The following VTCN1 variants were observed in gnomAD, a reference collection of about 807,000 sequenced individuals.
VTCN1 encodes the protein V-set domain-containing T-cell activation inhibitor 1.
Under a neutral mutation model 26.5 loss-of-function variants are expected in VTCN1, and 26 were observed. The ratio of observed to expected loss-of-function variants is 0.98; its 90% CI spans 0.72 to 1.36. The LOEUF is 1.36. VTCN1 is among the 40% of genes most tolerant of loss of function. The pLI is 0.00. For missense variants in VTCN1, 298 were observed against 337.7 expected (o/e 0.88, Z 0.92); for synonymous variants, 116 against 130.7 (o/e 0.89, Z 0.77).
At chr1:117,195,951 G>C (rs1358296216) in intron 1 of VTCN1, among the ~76,000 whole-genome samples, 1 of 152,126 alleles carries the variant, frequency 6.6e-6, no homozygotes, top group Non-Finnish European at 1.5e-5. Flanking sequence ...AGGGGTTTGA[G>C]ACCAATTTGG....
At chr1:117,184,939 G>GT (rs893265201) in intron 1 of VTCN1, among the ~76,000 whole-genome samples, 3 of 152,170 alleles carry the variant, frequency 2.0e-5, no homozygotes, top group African/African-American at 7.2e-5. Context: ...TGCCCAGCCA[G>GT]TTTTCCCTTA....
intron 1 of VTCN1, among the ~76,000 whole-genome samples, chr1:117,196,742 G>T (rs1021193695): frequency 3.4e-4 from 51 of 152,114 alleles, no homozygotes; most frequent in African/African-American, 1.2e-3. Context: ...GAAAGAGCTA[G>T]TACCCAAGTG....
chr1:117,158,563 C>T (rs1482640530), intron 2 of VTCN1, among the ~76,000 whole-genome samples: 1 of 152,164 alleles, frequency 6.6e-6, no homozygotes, highest in Non-Finnish European at 1.5e-5. Flanking sequence ...TCTCCTAGGA[C>T]CCCAGGCCTG....
rs966552066 is a variant in VTCN1 at position 117,146,855 on chromosome 1, G to C, written c.*45+758C>G. ...TTCCTATCAGCTAAAACAGGGAAAGGAAGGAGCAGGTACAGTGTTTCAAAA... is the reference window on the plus strand; with the variant it reads ...TTCCTATCAGCTAAAACAGGGAAAGCAAGGAGCAGGTACAGTGTTTCAAAA... On this transcript the variant is annotated intron_variant, in intron 5 of 5. Transcript: ENST00000369458. The surrounding 1 kb of genome is among the most constrained non-coding windows in gnomAD (Gnocchi z 4.2). Among the ~76,000 whole-genome samples, 2 of 152,186 alleles carry C rather than the reference G, an allele frequency of 1.3e-5. No homozygotes were observed. Among genetic ancestry groups the C allele is most frequent in the African/African-American group, 4.8e-5 (2 of 41,448 alleles).
intron 1 of VTCN1, among the ~76,000 whole-genome samples, chr1:117,199,115 G>A (rs1648666331): frequency 6.6e-6 from 1 of 152,068 alleles, no homozygotes; most frequent in Non-Finnish European, 1.5e-5. Flanking sequence ...CTATTCTTTT[G>A]TAATTACCCC....
At chr1:117,194,631 T>G (rs1648419680) in intron 1 of VTCN1, among the ~76,000 whole-genome samples, 1 of 152,192 alleles carries the variant, frequency 6.6e-6, no homozygotes, top group African/African-American at 2.4e-5. Context: ...TGTCTATCAA[T>G]ACATGAGTTG....
chr1:117,181,991 T>C (rs1647695714), intron 1 of VTCN1, among the ~76,000 whole-genome samples: 1 of 152,140 alleles, frequency 6.6e-6, no homozygotes, highest in Admixed American at 6.5e-5. Flanking sequence ...TTTCTTGCCT[T>C]CAGGAAACCT....
rs1297731459 is a variant in VTCN1 at position 117,155,522 on chromosome 1, C to G, written c.445+1052G>C. ...TGAGTTATAATTCAATACTATGTTA[C>G]TTATTTTGTTGCTTAAATTGTTCCA... is the stretch of plus-strand genomic sequence containing the variant. On this transcript the variant is annotated intron_variant, in intron 3 of 5. Transcript: ENST00000369458. The surrounding 1 kb of genome is among the most constrained non-coding windows in gnomAD (Gnocchi z 4.8). Among the ~76,000 whole-genome samples, 11 of 152,112 alleles carry G rather than the reference C, an allele frequency of 7.2e-5. No homozygotes were observed. Among genetic ancestry groups the G allele is most frequent in the Non-Finnish European group, 1.3e-4 (9 of 68,010 alleles).
At position 117,169,483 on chromosome 1, in the gene VTCN1, C is replaced by T. The variant is rs6665913; in HGVS notation, c.97+624G>A. Among the ~76,000 whole-genome samples, 22,112 of 152,210 alleles carry T rather than the reference C, an allele frequency of 0.15. 4,817 individuals are homozygous for T. Among genetic ancestry groups the T allele is most frequent in the African/African-American group, 0.47 (19,653 of 41,464 alleles). On this transcript the variant is annotated intron_variant, in intron 2 of 5. Coordinates refer to ENST00000369458, the MANE Select transcript of VTCN1 (RefSeq NM_024626.4). The surrounding 1 kb of genome is among the most constrained non-coding windows in gnomAD (Gnocchi z 4.0). ...ACAGAATGGCTCAGAGGCAGCACTT[C>T]ACCTATGATCCCAGAATGACATCTT... is the stretch of plus-strand genomic sequence containing the variant.
chr1:117,157,558 G>T (rs1652152545), intron 2 of VTCN1, among the ~76,000 whole-genome samples: 1 of 152,134 alleles, frequency 6.6e-6, no homozygotes, highest in Non-Finnish European at 1.5e-5. Flanking sequence ...CTGCCCCCAT[G>T]ATTCAAATGA....
chr1:117,164,971 G>A (rs182231703), intron 2 of VTCN1, among the ~76,000 whole-genome samples: 12 of 152,340 alleles, frequency 7.9e-5, no homozygotes, highest in Non-Finnish European at 1.3e-4. Context: ...ATGAGAAGGT[G>A]GCATATACAG....
rs1228591403 is a variant in VTCN1, at chr1:117,155,307, G to A, written c.445+1267C>T. Among the ~76,000 whole-genome samples, 6 of 152,072 alleles carry A rather than the reference G, an allele frequency of 3.9e-5. No individual in the cohort carries two copies. The highest frequency in any genetic ancestry group is 7.2e-5 in the African/African-American group (3 of 41,414). ...TCACCTGGCTAAAGCAGTGTTTGCCGGATTTCTTTGGAAGCTGGACTTCAC... is the reference window on the plus strand; with the variant it reads ...TCACCTGGCTAAAGCAGTGTTTGCCAGATTTCTTTGGAAGCTGGACTTCAC... On this transcript the variant is annotated intron_variant, in intron 3 of 5. Coordinates refer to ENST00000369458, the MANE Select transcript of VTCN1 (RefSeq NM_024626.4). The surrounding 1 kb of genome is among the most constrained non-coding windows in gnomAD (Gnocchi z 4.8).
chr1:117,182,013 T>C (rs1341895550), intron 1 of VTCN1, among the ~76,000 whole-genome samples: 1 of 152,166 alleles, frequency 6.6e-6, no homozygotes, highest in African/African-American at 2.4e-5. Context: ...TGCCTGTCAC[T>C]GAAGAGATTC....
At chr1:117,202,985 T>C (rs542603801) in intron 1 of VTCN1, among the ~76,000 whole-genome samples, 8 of 151,954 alleles carry the variant, frequency 5.3e-5, no homozygotes, top group Non-Finnish European at 1.0e-4. Flanking sequence ...ATGGGGATAA[T>C]AGAGGTGCAG....
At chr1:117,200,097 T>A (rs1648720632) in intron 1 of VTCN1, among the ~76,000 whole-genome samples, 1 of 151,720 alleles carries the variant, frequency 6.6e-6, no homozygotes, top group African/African-American at 2.4e-5. Context: ...AAGAAAAGAG[T>A]CATTTATAAG....
rs200520408 is a variant in VTCN1 at position 117,175,769 on chromosome 1, C to CT, written c.33-5599dup. ...GAGAGATACCTATCTCTCTCTCTCT[C>CT]TCTCTTTTTTTTTTTTTTTGAGATG... is the stretch of plus-strand genomic sequence containing the variant. On this transcript the variant is annotated intron_variant, in intron 1 of 5. Coordinates refer to ENST00000369458, the MANE Select transcript of VTCN1 (RefSeq NM_024626.4). The surrounding 1 kb of genome is among the most constrained non-coding windows in gnomAD (Gnocchi z 4.2). Among the ~76,000 whole-genome samples, 3,756 of 87,220 alleles carry CT rather than the reference C, an allele frequency of 0.043. 176 individuals carry two copies. Among genetic ancestry groups the CT allele is most frequent in the African/African-American group, 0.13 (3,517 of 26,548 alleles). The allele number at this position is 87,220 out of a possible 152,430, so 57.2% of individuals were successfully genotyped here. A position where few individuals can be genotyped will look rare whatever the true frequency, so the allele number is the denominator to read the frequency against.
In VTCN1 at chr1:117,159,317, G is replaced by A. The variant is rs1344226504; in HGVS notation, c.98-2396C>T. Among the ~76,000 whole-genome samples, 5 of 152,188 alleles carry A rather than the reference G, an allele frequency of 3.3e-5. No individual in the cohort carries two copies. Among genetic ancestry groups the A allele is most frequent in the South Asian group, 2.1e-4 (1 of 4,822 alleles). On this transcript the variant is annotated intron_variant, in intron 2 of 5. Transcript: ENST00000369458. The surrounding 1 kb of genome is among the most constrained non-coding windows in gnomAD (Gnocchi z 4.7). ...GCTGGGGAGGCCTCAGAGTCATGGC[G>A]GGAGGTGAAAGGCACTTCTTACATG...
Position 117,147,249 on chromosome 1 carries a change from T to C in VTCN1, c.*45+364A>G, listed in dbSNP as rs1265877480. On this transcript the variant is annotated intron_variant, in intron 5 of 5. Coordinates refer to ENST00000369458, the MANE Select transcript of VTCN1 (RefSeq NM_024626.4). This position sits in a 1 kb window ranked among gnomAD's most constrained non-coding sequence, Gnocchi z 4.6. The stretch of plus-strand genomic sequence containing the variant: ...CGGCTGGAAGGGCAGGGAGGGGTTT[T>C]ATGTGAATGATGATATGCTTTATAA... Among the ~76,000 whole-genome samples the C allele has an allele frequency of 6.6e-6, 1 of 152,128 alleles. No individual in the cohort carries two copies. The highest frequency in any genetic ancestry group is 6.6e-5 in the Admixed American group (1 of 15,250).
chr1:117,195,170 G>A (rs937101910), intron 1 of VTCN1, among the ~76,000 whole-genome samples: 6 of 151,940 alleles, frequency 3.9e-5, no homozygotes, highest in African/African-American at 1.4e-4. Flanking sequence ...GCTGAGACAG[G>A]AGAATTGTTT....
Sources: gnomAD v4.1 joint callset for allele counts (sites outside exome capture counted in the v4.1 genomes callset) on GRCh38, gnomAD v4.1.1 for gene constraint, Gnocchi (gnomAD v3.1) non-coding constraint, MANE v1.5 for transcripts, NCBI Gene and HGNC (gene_info 2026-07-23, HGNC 2026-07-21) for gene names.